Variants in CACNA2D4 observed in about 807,000 individuals in gnomAD.
CACNA2D4 encodes voltage-dependent calcium channel subunit alpha-2/delta-4.
In CACNA2D4, 157 loss-of-function variants were observed where a neutral mutation model predicts 163.8. The observed-to-expected ratio is 0.96, with a 90% CI of 0.84 to 1.09. The LOEUF (loss-of-function observed/expected upper bound fraction) is 1.09, where lower values mean the gene tolerates loss of function less well. Ranked by LOEUF, CACNA2D4 falls within the 50% of genes least tolerant of loss-of-function variation. CACNA2D4 has a pLI of 0.00. For synonymous variants in CACNA2D4, 598 were observed against 586.9 expected (o/e 1.02, Z -0.27); for missense variants, 1,410 against 1,479.9 (o/e 0.95, Z 0.78).
chr12:1,828,136 C>T lies in CACNA2D4; in HGVS notation c.2551+12603G>A, dbSNP rs370045148. On this transcript the variant is annotated intron_variant, in intron 26 of 37. Transcript: ENST00000382722. This position sits in a 1 kb window ranked among gnomAD's most constrained non-coding sequence, Gnocchi z 4.2. ...CCCAGAGCGACAGGGCCCGGAGAGC[C>T]GTGGGCCTCACCATGCTGGCGCCGG... is the stretch of plus-strand genomic sequence containing the variant. 8.6e-5 allele frequency: 132 copies of T among 1,534,374 alleles called. No homozygotes were observed. The highest frequency in any genetic ancestry group is 4.1e-4 in the Admixed American group (20 of 49,274).
At chr12:1,797,080 C>T (rs977921944) in intron 35 of CACNA2D4, among the ~76,000 whole-genome samples, 15 of 152,238 alleles carry the variant, frequency 9.9e-5, no homozygotes, top group African/African-American at 3.6e-4. Context: ...GGAGACCCGC[C>T]GAAGGGCCCA....
chr12:1,856,519 C>T (rs879544245), intron 20 of CACNA2D4, among the ~76,000 whole-genome samples: 1 of 152,258 alleles, frequency 6.6e-6, no homozygotes, highest in East Asian at 1.9e-4. Flanking sequence ...TTTCCTCCTG[C>T]AGCCCTCATG....
chr12:1,806,511 G>C lies in CACNA2D4; in HGVS notation c.2721+3767C>G, dbSNP rs1160035934. Among the ~76,000 whole-genome samples, 3 of 152,320 alleles carry C rather than the reference G, an allele frequency of 2.0e-5. No individual in the cohort carries two copies. Among genetic ancestry groups the C allele is most frequent in the East Asian group, 1.9e-4 (1 of 5,184 alleles). Reference sequence around the variant, plus strand: ...GGTGTGCAAGGACTTTGTCTGGGAAGAATCTTTGCATCTGTAGCTCAACAG... The same window carrying C: ...GGTGTGCAAGGACTTTGTCTGGGAACAATCTTTGCATCTGTAGCTCAACAG... On this transcript the variant is annotated intron_variant, in intron 29 of 37. Coordinates refer to ENST00000382722, the MANE Select transcript of CACNA2D4 (RefSeq NM_172364.5). The surrounding 1 kb of genome is among the most constrained non-coding windows in gnomAD (Gnocchi z 4.1).
chr12:1,861,970 T>A (rs1468379537), intron 18 of CACNA2D4, among the ~76,000 whole-genome samples: 4 of 152,202 alleles, frequency 2.6e-5, no homozygotes, highest in African/African-American at 9.7e-5. Context: ...GTTCTTATAG[T>A]ATGACACACA....
chr12:1,805,184 C>T (rs996592776), intron 29 of CACNA2D4, among the ~76,000 whole-genome samples: 1 of 152,152 alleles, frequency 6.6e-6, no homozygotes, highest in African/African-American at 2.4e-5. Context: ...TCGAGGACCC[C>T]CCCTGCCTGG....
intron 18 of CACNA2D4, among the ~76,000 whole-genome samples, chr12:1,860,544 CTTAG>C (rs1054042848): frequency 2.0e-5 from 3 of 152,210 alleles, no homozygotes; most frequent in Non-Finnish European, 1.5e-5. Context: ...TAAATTTAAA[CTTAG>C]TTAGCACATG....
Position 1,883,932 on chromosome 12 carries a change from G to A in CACNA2D4, c.1351+311C>T, listed in dbSNP as rs1866069643. ...CAATGGGGTCTGGTCAGAGATAGATGAGGACCATTCACACACAAAACATTA... is the reference window on the plus strand; with the variant it reads ...CAATGGGGTCTGGTCAGAGATAGATAAGGACCATTCACACACAAAACATTA... On this transcript the variant is annotated intron_variant, in intron 12 of 37. Transcript: ENST00000382722. The surrounding 1 kb of genome is among the most constrained non-coding windows in gnomAD (Gnocchi z 4.5). 1 of 401,152 alleles carries A rather than the reference G, an allele frequency of 2.5e-6. No individual in the cohort carries two copies. The highest frequency in any genetic ancestry group is 3.7e-5 in the Admixed American group (1 of 26,702). The allele number at this position is 401,152 out of a possible 1,614,324, so 24.8% of individuals were successfully genotyped here.
chr12:1,864,254 A>G (rs1448023862), intron 18 of CACNA2D4, among the ~76,000 whole-genome samples: 1 of 152,212 alleles, frequency 6.6e-6, no homozygotes, highest in African/African-American at 2.4e-5. Flanking sequence ...TGCAGCAAAG[A>G]ATGAGGAAAC....
At chr12:1,870,526 A>G (rs1186841088) in intron 18 of CACNA2D4, among the ~76,000 whole-genome samples, 1 of 151,874 alleles carries the variant, frequency 6.6e-6, no homozygotes, top group Non-Finnish European at 1.5e-5. Context: ...TTTGGGAAAA[A>G]GAGCCATCAA....
intron 29 of CACNA2D4, among the ~76,000 whole-genome samples, chr12:1,808,182 G>A (rs1863601817): frequency 6.6e-6 from 1 of 152,082 alleles, no homozygotes; most frequent in African/African-American, 2.4e-5. Flanking sequence ...GAGGCCACGT[G>A]CTCTCCAGCT....
At chr12:1,835,964 G>C (rs769445798) in intron 26 of CACNA2D4, 1 of 152,348 alleles carries the variant, frequency 6.6e-6, no homozygotes, top group African/African-American at 2.4e-5. Flanking sequence ...GGGGAAAGCA[G>C]GTGGCAGGCA....
At chr12:1,796,901 C>A (rs2154445058) in intron 35 of CACNA2D4, among the ~76,000 whole-genome samples, 1 of 152,342 alleles carries the variant, frequency 6.6e-6, no homozygotes, top group South Asian at 2.1e-4. Context: ...TAGCGGCTTC[C>A]ACACAGCAGG....
At position 1,858,642 on chromosome 12, in the gene CACNA2D4, A is replaced by G. The variant is rs1393240827; in HGVS notation, c.1943T>C (p.Leu648Ser). 6 of 1,599,066 alleles carry G rather than the reference A, an allele frequency of 3.8e-6. No homozygotes were observed. Among genetic ancestry groups the G allele is most frequent in the Non-Finnish European group, 5.1e-6 (6 of 1,172,208 alleles). ...GTGGCCCCGGGACAGCACCACCCCC[A>G]AACTGTGGGGAGAGAAGAGAAGGCA... ...FTDISDTPFSLGVVLSRGHGE... is the reference protein window; with the variant it reads ...FTDISDTPFSSGVVLSRGHGE... The change falls in exon 20 of 38, where the codon TTG (leucine) becomes TCG (serine). Residue 648 changes from leucine to serine, a missense_variant and splice_region_variant. Transcript: ENST00000382722.
At chr12:1,907,089 G>A (rs118124536) in intron 6 of CACNA2D4, among the ~76,000 whole-genome samples, 161 of 152,330 alleles carry the variant, frequency 1.1e-3, no homozygotes, top group Non-Finnish European at 2.0e-3. Flanking sequence ...TGGCGAGTGC[G>A]CCTCATTTTT....
chr12:1,818,599 C>T (rs983297586), intron 26 of CACNA2D4, among the ~76,000 whole-genome samples: 33 of 151,220 alleles, frequency 2.2e-4, no homozygotes, highest in Non-Finnish European at 3.8e-4. Flanking sequence ...CATCACCACT[C>T]CCTAATCTCA....
chr12:1,858,289 G>T (rs933810819), intron 20 of CACNA2D4, among the ~76,000 whole-genome samples: 2 of 152,170 alleles, frequency 1.3e-5, no homozygotes, highest in East Asian at 3.8e-4. Context: ...AAAACATACT[G>T]CCTTGACGGT....
chr12:1,801,546 G>A lies in CACNA2D4; in HGVS notation c.2792+28C>T. The A allele has an allele frequency of 2.0e-6, 3 of 1,531,784 alleles. No individual in the cohort carries two copies. The South Asian group carries it at 3.6e-5, about 18-fold the overall frequency. The allele number at this position is 1,531,784 out of a possible 1,614,324, so 94.9% of individuals were successfully genotyped here. A position where few individuals can be genotyped will look rare whatever the true frequency, so the allele number is the denominator to read the frequency against. ...AGCTCTCGGTTTGCTGTGTCTATTT[G>A]GACTGGGGAGGAGTGTGCCCCACTT... On this transcript the variant is annotated intron_variant, in intron 30 of 37. Transcript: ENST00000382722.
intron 23 of CACNA2D4, among the ~76,000 whole-genome samples, chr12:1,850,759 A>G (rs1565710271): frequency 1.3e-5 from 2 of 152,142 alleles, no homozygotes; most frequent in Admixed American, 6.5e-5. Flanking sequence ...AAAAAAATAC[A>G]AAGAATTCAC....
intron 6 of CACNA2D4, among the ~76,000 whole-genome samples, chr12:1,898,871 T>C (rs1223645651): frequency 1.3e-5 from 2 of 152,172 alleles, no homozygotes; most frequent in South Asian, 2.1e-4. Flanking sequence ...ATGTTGTACA[T>C]AGAATAGTTA....
Sources: gnomAD v4.1 joint callset for allele counts (sites outside exome capture counted in the v4.1 genomes callset) on GRCh38, gnomAD v4.1.1 for gene constraint, Gnocchi (gnomAD v3.1) non-coding constraint, MANE v1.5 for transcripts, NCBI Gene and HGNC (gene_info 2026-07-23, HGNC 2026-07-21) for gene names.